The following FLT3 variants were observed in gnomAD, a reference collection of about 807,000 sequenced individuals.
FLT3 encodes the protein receptor-type tyrosine-protein kinase FLT3.
A neutral mutation model predicts 126.6 loss-of-function variants in FLT3; 46 were observed. The observed-to-expected ratio is 0.36, with a 90% confidence interval of 0.29 to 0.46. The LOEUF (loss-of-function observed/expected upper bound fraction) is 0.46, where lower values mean the gene tolerates loss of function less well. FLT3 is among the 20% of genes least tolerant of loss of function. FLT3 has a pLI of 1.00. For synonymous variants in FLT3, 404 were observed against 434.4 expected (o/e 0.93, Z 0.87); for missense variants, 1,069 against 1,190.3 (o/e 0.90, Z 1.50).
chr13:28,092,991 G>C (rs1483891717), intron 1 of FLT3, among the ~76,000 whole-genome samples: 2 of 143,278 alleles, frequency 1.4e-5, no homozygotes, highest in Admixed American at 1.4e-4. Flanking sequence ...GTGTGATCTC[G>C]GCTCGCTGCA....
At chr13:28,074,934 C>T (rs1386024823) in intron 1 of FLT3, among the ~76,000 whole-genome samples, 4 of 152,144 alleles carry the variant, frequency 2.6e-5, no homozygotes, top group Non-Finnish European at 5.9e-5. Context: ...GCGCTCAGCC[C>T]TCATTGTGGT....
chr13:28,063,904 C>T (rs1876788043), intron 2 of FLT3, among the ~76,000 whole-genome samples: 1 of 152,136 alleles, frequency 6.6e-6, no homozygotes, highest in South Asian at 2.1e-4. Context: ...GATTTCTAAG[C>T]CGGATGTTTA....
chr13:28,098,977 A>G (rs563897493), intron 1 of FLT3, among the ~76,000 whole-genome samples: 1 of 152,304 alleles, frequency 6.6e-6, no homozygotes, highest in Middle Eastern at 3.4e-3. Flanking sequence ...GAGAGGGTGG[A>G]GCTAGAATTG....
At chr13:28,078,340 C>A (rs1041195452) in intron 1 of FLT3, among the ~76,000 whole-genome samples, 2 of 152,192 alleles carry the variant, frequency 1.3e-5, no homozygotes, top group African/African-American at 4.8e-5. Context: ...GCAGAGGTTC[C>A]CAAATCTCAA....
At chr13:28,028,079 A>G (rs988889762) in intron 16 of FLT3, 99 bp downstream of exon 16, 2 of 644,672 alleles carry the variant, frequency 3.1e-6, no homozygotes, top group African/African-American at 4.7e-5. Context: ...AGAAAAGACA[A>G]AGAATTAAAA....
intron 9 of FLT3, among the ~76,000 whole-genome samples, chr13:28,044,369 G>A (rs1874671948): frequency 6.7e-6 from 1 of 149,278 alleles, no homozygotes; most frequent in African/African-American, 2.5e-5. Context: ...AGAATCACTT[G>A]AACCCAGGAG....
intron 23 of FLT3, among the ~76,000 whole-genome samples, chr13:28,010,082 G>A (rs778199903): frequency 6.6e-6 from 1 of 152,006 alleles, no homozygotes; most frequent in Non-Finnish European, 1.5e-5. Context: ...CTTCTGCCTC[G>A]CTTTTCCAAA....
At chr13:28,015,559 G>A (rs764080369) in intron 21 of FLT3, 31 bp downstream of exon 21, 2 of 1,344,900 alleles carry the variant, frequency 1.5e-6, no homozygotes, top group East Asian at 2.3e-5. Context: ...AAAGCCAGGA[G>A]CCAAGGGAGG....
chr13:28,085,367 A>C (rs867634666), intron 1 of FLT3, among the ~76,000 whole-genome samples: 1 of 146,334 alleles, frequency 6.8e-6, no homozygotes, highest in African/African-American at 2.5e-5. Flanking sequence ...AAAAAAAAAA[A>C]AGAAAAGAAA....
intron 23 of FLT3, among the ~76,000 whole-genome samples, chr13:28,008,465 T>C (rs566593510): frequency 2.0e-5 from 3 of 152,078 alleles, no homozygotes; most frequent in African/African-American, 7.2e-5. Context: ...TTAAGAGGCA[T>C]GATTTTTATT....
chr13:28,045,304 T>C (rs1874753636), intron 9 of FLT3, among the ~76,000 whole-genome samples: 1 of 152,190 alleles, frequency 6.6e-6, no homozygotes, highest in African/African-American at 2.4e-5. Context: ...CATTACCTTA[T>C]TCACTCTTGC....
At chr13:28,025,874 C>T (rs1343648737) in intron 17 of FLT3, among the ~76,000 whole-genome samples, 1 of 152,142 alleles carries the variant, frequency 6.6e-6, no homozygotes, top group Non-Finnish European at 1.5e-5. Flanking sequence ...GGCTTTAAGA[C>T]ACTGGGTCTG....
chr13:28,094,861 G>A lies in FLT3; in HGVS notation c.43+5607C>T, dbSNP rs1162218705. Among the ~76,000 whole-genome samples the A allele has an allele frequency of 4.6e-5, 7 of 152,140 alleles. No homozygotes were observed. In the South Asian group the frequency reaches 8.3e-4, roughly 18 times the overall value. On this transcript the variant is annotated intron_variant, in intron 1 of 23. Transcript: ENST00000241453. ...GTTGGTACTCATAGAACAGAATTGC[G>A]TGAGTCAAATTAGTGACCAGTAGTG... is the stretch of plus-strand genomic sequence containing the variant.
At chr13:28,063,986 G>C (rs1377029344) in intron 2 of FLT3, among the ~76,000 whole-genome samples, 2 of 151,922 alleles carry the variant, frequency 1.3e-5, no homozygotes, top group Non-Finnish European at 2.9e-5. Flanking sequence ...AAAAATAATA[G>C]ACAAGTCAAG....
intron 1 of FLT3, among the ~76,000 whole-genome samples, chr13:28,087,613 G>A (rs761915655): frequency 9.2e-5 from 14 of 152,130 alleles, no homozygotes; most frequent in Non-Finnish European, 2.1e-4. Flanking sequence ...TATCTTTACT[G>A]TCATCTTCCT....
chr13:28,010,512 G>A (rs1871261820), intron 23 of FLT3, among the ~76,000 whole-genome samples: 1 of 152,174 alleles, frequency 6.6e-6, no homozygotes, highest in African/African-American at 2.4e-5. Flanking sequence ...AAGCATGTTT[G>A]TCCATCCTAA....
intron 1 of FLT3, among the ~76,000 whole-genome samples, chr13:28,084,837 T>C (rs1292211510): frequency 6.6e-6 from 1 of 151,522 alleles, no homozygotes; most frequent in Non-Finnish European, 1.5e-5. Context: ...TAGCCGGGCG[T>C]GGTGGCGGGC....
At chr13:28,095,504 G>A (rs899547943) in intron 1 of FLT3, among the ~76,000 whole-genome samples, 8 of 152,070 alleles carry the variant, frequency 5.3e-5, no homozygotes, top group African/African-American at 1.9e-4. Flanking sequence ...TTGATCTCTT[G>A]ACCTCGTGAT....
chr13:28,037,055 A>C, intron 10 of FLT3, 130 bp downstream of exon 10: 1 of 619,050 alleles, frequency 1.6e-6, no homozygotes, highest in South Asian at 2.0e-5. Context: ...TAAAGTTTCA[A>C]AACACTTCAG....
Sources: allele counts gnomAD v4.1 joint callset (sites outside exome capture counted in the v4.1 genomes callset), GRCh38; gene constraint gnomAD v4.1.1; transcripts MANE v1.5; gene names NCBI Gene and HGNC (gene_info 2026-07-23, HGNC 2026-07-21).